BRD1: variants seen among roughly 807,000 people sequenced by gnomAD.
The protein encoded by BRD1 is bromodomain containing 1.
BRD1 carries 24 observed loss-of-function variants against 107.7 expected under a neutral mutation model. The observed-to-expected ratio is 0.22, with a 90% CI of 0.16 to 0.31. The LOEUF (loss-of-function observed/expected upper bound fraction) is 0.31. Ranked by LOEUF, BRD1 falls within the 10% of genes least tolerant of loss-of-function variation. The pLI, the probability that BRD1 is intolerant of heterozygous loss-of-function variation, is 1.00. For synonymous variants in BRD1, 744 were observed against 686.1 expected, an observed-to-expected ratio of 1.08 and a Z score of -1.32; for missense variants, 1,279 against 1,638.6, an observed-to-expected ratio of 0.78 and a Z score of 3.79.
At position 49,774,307 on chromosome 22, in the gene BRD1, C is replaced by A. The variant is rs1420924932; in HGVS notation, c.3496G>T (p.Ala1166Ser). 1 of 1,614,112 alleles carries A rather than the reference C, an allele frequency of 6.2e-7. No homozygotes were observed. Among genetic ancestry groups the A allele is most frequent in the Non-Finnish European group, 8.5e-7 (1 of 1,180,054 alleles). ...AGGTGGTTCATGGCGCGGTCAAAAG[C>A]GATCCGCACGGCCTTCCGGATGCTG... is the stretch of plus-strand genomic sequence containing the variant. Reference protein sequence around the residue: ...NSSIRKAVRIAFDRAMNHLSR... With the variant: ...NSSIRKAVRISFDRAMNHLSR... The change falls in exon 13 of 13, where the codon GCT becomes TCT. Residue 1166 changes from alanine (A) to serine (S), a missense_variant. Transcript: ENST00000404760.
In BRD1 at chr22:49,803,135, C is replaced by T. The variant is rs193037238; in HGVS notation, c.1524+1069G>A. Among the ~76,000 whole-genome samples the T allele has an allele frequency of 1.1e-4, 16 of 152,350 alleles. No homozygotes were observed. In the East Asian group the frequency reaches 3.1e-3, roughly 29 times the overall value. On this transcript the variant is annotated intron_variant, in intron 3 of 12. Transcript: ENST00000404760. The surrounding 1 kb of genome is among the most constrained non-coding windows in gnomAD (Gnocchi z 4.4). ...ACCACCACCTGCCAGACCAGAGCACCAGACTCTGTAGTTCCCTGGAGCACA... is the reference window on the plus strand; with the variant it reads ...ACCACCACCTGCCAGACCAGAGCACTAGACTCTGTAGTTCCCTGGAGCACA...
chr22:49,797,424 AC>A (rs1190947164), intron 6 of BRD1, among the ~76,000 whole-genome samples: 1 of 151,666 alleles, frequency 6.6e-6, no homozygotes, highest in African/African-American at 2.4e-5. Context: ...GAGACCGGCC[AC>A]CCCATAGGGA....
At chr22:49,801,533 GTCTCTCCCAAT>G (rs2059640770) in intron 3 of BRD1, among the ~76,000 whole-genome samples, 1 of 152,196 alleles carries the variant, frequency 6.6e-6, no homozygotes, top group African/African-American at 2.4e-5. Flanking sequence ...CAGAAGCACA[GTCTCTCCCAAT>G]AGCCCGTTCA....
At position 49,802,210 on chromosome 22, in the gene BRD1, T is replaced by A. The variant is rs11913818; in HGVS notation, c.1524+1994A>T. On this transcript the variant is annotated intron_variant, in intron 3 of 12. Transcript: ENST00000404760. ...GAGACCAATGCCTCCACTCTCTTCCTTTCCCCAACATCGCGGGGGCCGAGA... is the reference window on the plus strand; with the variant it reads ...GAGACCAATGCCTCCACTCTCTTCCATTCCCCAACATCGCGGGGGCCGAGA... Among the ~76,000 whole-genome samples, 180 of 86,454 alleles carry A rather than the reference T, an allele frequency of 2.1e-3. 1 individual carries two copies. The highest frequency in any genetic ancestry group is 2.7e-3 in the African/African-American group (55 of 20,450). The allele number at this position is 86,454 out of a possible 152,430, so 56.7% of individuals were successfully genotyped here. A position where few individuals can be genotyped will look rare whatever the true frequency, so the allele number is the denominator to read the frequency against.
chr22:49,797,713 C>G, intron 6 of BRD1, 92 bp downstream of exon 6: 2 of 1,364,792 alleles, frequency 1.5e-6, no homozygotes, highest in Non-Finnish European at 2.0e-6. Context: ...GGCTCCCGGA[C>G]CATGCTGATA....
Position 49,823,655 on chromosome 22 carries a change from C to T in BRD1, c.663G>A (p.Met221Ile). ...IDEDAVCCIC[M>I]DGECQNSNVI... ...CGTTGCTGTTCTGACACTCCCCGTC[C>T]ATGCAGATGCAGCACACGGCGTCCT... The change falls in exon 2 of 13, where the codon ATG (methionine) becomes ATA (isoleucine). Residue 221 changes from methionine (M) to isoleucine (I), a missense_variant. Physicochemically the swap from Met to Ile is conservative, Grantham distance 10 (BLOSUM62 1). Around this residue, in one of 7 missense-constraint regions of BRD1, gnomAD observed 158 missense variants for 310.2 expected, o/e 0.51. Coordinates refer to ENST00000404760, the MANE Select transcript of BRD1 (RefSeq NM_001304808.3). 1 of 1,613,046 alleles carries T rather than the reference C, an allele frequency of 6.2e-7. No individual in the cohort carries two copies. The highest frequency in any genetic ancestry group is 8.5e-7 in the Non-Finnish European group (1 of 1,179,866).
chr22:49,811,304 G>C (rs758715242), intron 2 of BRD1, among the ~76,000 whole-genome samples: 2 of 151,944 alleles, frequency 1.3e-5, no homozygotes, highest in Non-Finnish European at 2.9e-5. Flanking sequence ...CTTTGGAGGT[G>C]ATAAAAATTT....
At chr22:49,802,810 C>T (rs1485176595) in intron 3 of BRD1, among the ~76,000 whole-genome samples, 1 of 152,258 alleles carries the variant, frequency 6.6e-6, no homozygotes, top group East Asian at 1.9e-4. Flanking sequence ...GCCCTGGAGG[C>T]TACGAGGTGA....
intron 12 of BRD1, 100 bp from the exon 13 acceptor site, chr22:49,774,516 A>G: frequency 7.6e-7 from 1 of 1,324,194 alleles, no homozygotes; most frequent in Non-Finnish European, 1.0e-6. Flanking sequence ...TCCGATAGAA[A>G]GGGGCCCTGC....
chr22:49,775,743 G>A lies in BRD1; in HGVS notation c.3234C>T (p.Ile1078=), dbSNP rs2059069893. The A allele has an allele frequency of 3.7e-6, 6 of 1,600,400 alleles. No individual in the cohort carries two copies. The highest frequency in any genetic ancestry group is 5.1e-6 in the Non-Finnish European group (6 of 1,175,214). ...CSGYPSYPAL[I]IDPKMPRVPG... Reference sequence around the variant, plus strand: ...GCACACGGGGCATCTTGGGGTCGATGATCTGCACGAGAAGGACCCGCTGAG... The same window carrying A: ...GCACACGGGGCATCTTGGGGTCGATAATCTGCACGAGAAGGACCCGCTGAG... The change falls in exon 12 of 13, where the codon ATC becomes ATT. Residue 1078 remains isoleucine (I), a splice_region_variant and synonymous_variant. Transcript: ENST00000404760.
intron 8 of BRD1, among the ~76,000 whole-genome samples, chr22:49,781,206 G>A (rs547312710): frequency 1.3e-5 from 2 of 152,232 alleles, no homozygotes; most frequent in South Asian, 2.1e-4. Flanking sequence ...GTCCCTCTCT[G>A]CCCCCAAAGG....
At position 49,794,146 on chromosome 22, in the gene BRD1, G is replaced by C; in HGVS notation, c.2247C>G (p.Ala749=). ...GCTGGCTCAGCTTGTTTCGGAGAAG[G>C]GCAATTTCCTTTTTGAGCAGCTTTG... ...KRAKLLKKEI[A]LLRNKLSQQH... is the part of the protein sequence containing the mutation. The change falls in exon 7 of 13, where the codon GCC becomes GCG. Residue 749 remains alanine (A), a synonymous_variant. Coordinates refer to ENST00000404760, the MANE Select transcript of BRD1 (RefSeq NM_001304808.3). 1 of 1,614,272 alleles carries C rather than the reference G, an allele frequency of 6.2e-7. No individual in the cohort carries two copies. The highest frequency in any genetic ancestry group is 8.5e-7 in the Non-Finnish European group (1 of 1,180,052).
intron 2 of BRD1, chr22:49,818,274 A>T: frequency 7.8e-7 from 1 of 1,275,364 alleles, no homozygotes; most frequent in Non-Finnish European, 1.0e-6. Flanking sequence ...GTAGTAGAGG[A>T]GCTCCTCCTA....
At chr22:49,807,821 T>C (rs1601702035) in intron 2 of BRD1, among the ~76,000 whole-genome samples, 4 of 152,262 alleles carry the variant, frequency 2.6e-5, no homozygotes, top group African/African-American at 9.6e-5. Context: ...GGAGGAAATA[T>C]TTTCAAATCA....
intron 3 of BRD1, among the ~76,000 whole-genome samples, chr22:49,799,427 G>A (rs933331929): frequency 6.6e-6 from 1 of 152,204 alleles, no homozygotes; most frequent in Non-Finnish European, 1.5e-5. Context: ...GCGGCGGGGG[G>A]GGCCTTCACA....
chr22:49,825,263 C>G (rs2060134192), intron 1 of BRD1, among the ~76,000 whole-genome samples: 1 of 152,182 alleles, frequency 6.6e-6, no homozygotes, highest in Non-Finnish European at 1.5e-5. Flanking sequence ...ACGCTCCACT[C>G]AGGCTCCACA....
intron 8 of BRD1, among the ~76,000 whole-genome samples, chr22:49,785,351 G>A (rs771435108): frequency 2.6e-5 from 4 of 152,246 alleles, no homozygotes; most frequent in East Asian, 1.9e-4. Flanking sequence ...CTCCACGCAC[G>A]CAGCCCCATA....
At chr22:49,809,365 C>T (rs1418189234) in intron 2 of BRD1, among the ~76,000 whole-genome samples, 1 of 151,960 alleles carries the variant, frequency 6.6e-6, no homozygotes, top group Non-Finnish European at 1.5e-5. Flanking sequence ...GATGGTGAAA[C>T]CTCGTCTCTA....
rs546290710 is a variant in BRD1 at position 49,775,012 on chromosome 22, C to T, written c.3386+579G>A. Among the ~76,000 whole-genome samples, 184 of 152,320 alleles carry T rather than the reference C, an allele frequency of 1.2e-3. 3 individuals are homozygous for T. The highest frequency in any genetic ancestry group is 3.4e-3 in the Middle Eastern group (1 of 294). On this transcript the variant is annotated intron_variant, in intron 12 of 12. Coordinates refer to ENST00000404760, the MANE Select transcript of BRD1 (RefSeq NM_001304808.3). Reference sequence around the variant, plus strand: ...CCGGGCCACGTGCGCAGGGCACAGCCGGGGCCACAGCTCCTCCCAGAGGCA... The same window carrying T: ...CCGGGCCACGTGCGCAGGGCACAGCTGGGGCCACAGCTCCTCCCAGAGGCA...
Sources: allele counts gnomAD v4.1 joint callset (sites outside exome capture counted in the v4.1 genomes callset), GRCh38; gene constraint gnomAD v4.1.1; regional missense constraint gnomAD v4.1.1; non-coding constraint Gnocchi (gnomAD v3.1); transcripts MANE v1.5; gene names NCBI Gene and HGNC (gene_info 2026-07-23, HGNC 2026-07-21).